NXF1: variants seen among roughly 807,000 people sequenced by gnomAD.
NXF1 encodes the protein nuclear RNA export factor 1.
Under a neutral mutation model 92.4 loss-of-function variants are expected in NXF1, and 43 were observed. That is an observed-to-expected ratio of 0.47 (90% CI 0.36 to 0.60). The LOEUF (loss-of-function observed/expected upper bound fraction) is 0.60, where lower values mean the gene tolerates loss of function less well. NXF1 is among the 20% of genes least tolerant of loss of function. NXF1 has a pLI of 0.00. For synonymous variants in NXF1, 288 were observed against 292.2 expected (o/e 0.99, Z 0.15); for missense variants, 576 against 793.0 (o/e 0.73, Z 3.29).
chr11:62,800,605 CTTTTTTTT>C, intron 9 of NXF1, 119 bp from the exon 10 acceptor site: 1 of 482,024 alleles, frequency 2.1e-6, no homozygotes, highest in Non-Finnish European at 3.6e-6. Context: ...AAAATTTTTT[CTTTTTTTT>C]TTTTTTTTGG....
Position 62,801,557 on chromosome 11 carries a change from C to T in NXF1, c.709+5G>A. 1 of 1,614,108 alleles carries T rather than the reference C, an allele frequency of 6.2e-7. No individual in the cohort carries two copies. Among genetic ancestry groups the T allele is most frequent in the South Asian group, 1.1e-5 (1 of 91,076 alleles). On this transcript the variant is annotated splice_donor_5th_base_variant and intron_variant, in intron 7 of 20. Transcript: ENST00000294172. ...CTATCTGAGAACTACTGCTGTCAAC[C>T]ATACCTGGGTCTGAACGGAGGCCTT...
intron 10 of NXF1, chr11:62,799,681 C>G (rs2084457918): frequency 1.0e-6 from 1 of 985,992 alleles, no homozygotes; most frequent in Non-Finnish European, 1.2e-6. Context: ...TAGCCTATGC[C>G]CCCGTGGCCT....
chr11:62,802,039 T>C lies in NXF1; in HGVS notation c.461A>G (p.Tyr154Cys). Residue 154 changes from tyrosine (Y) to cysteine (C), a missense_variant, in exon 5 of 21, where the codon TAT (tyrosine) becomes TGT (cysteine). Coordinates refer to ENST00000294172, the MANE Select transcript of NXF1 (RefSeq NM_006362.5). Reference protein sequence around the residue: ...SVPFTPIEFHYENTRAQFFVE... With the variant: ...SVPFTPIEFHCENTRAQFFVE... ...GAAGAACTGGGCCCGTGTATTCTCA[T>C]AGTGAAACTACAAGAGGAAACAGGA... The C allele has an allele frequency of 1.2e-6, 2 of 1,614,028 alleles. No individual in the cohort carries two copies. Among genetic ancestry groups the C allele is most frequent in the Non-Finnish European group, 1.7e-6 (2 of 1,179,868 alleles).
chr11:62,802,500 G>A (rs1303573399), intron 3 of NXF1, among the ~76,000 whole-genome samples: 4 of 152,126 alleles, frequency 2.6e-5, no homozygotes, highest in Admixed American at 1.3e-4. Context: ...GCAGTGGTGC[G>A]ATCATAGCTC....
chr11:62,805,132 C>A, intron 1 of NXF1, 197 bp downstream of exon 1: 1 of 421,056 alleles, frequency 2.4e-6, no homozygotes. Context: ...AGCCGCAGGT[C>A]CCCCAACACC....
chr11:62,794,730 G>C, intron 18 of NXF1: 1 of 598,034 alleles, frequency 1.7e-6, no homozygotes, highest in Non-Finnish European at 3.0e-6. Flanking sequence ...CAGCCTACTT[G>C]CTAGAAGTGG....
chr11:62,804,474 C>A lies in NXF1; in HGVS notation c.29-496G>T, dbSNP rs116823129. On this transcript the variant is annotated intron_variant, in intron 1 of 20. Coordinates refer to ENST00000294172, the MANE Select transcript of NXF1 (RefSeq NM_006362.5). ...TCAGGAGACAAATTCTAGACTCAGG[C>A]TCTAGTGGCAGTGCCAGGCTAGGGT... is the stretch of plus-strand genomic sequence containing the variant. 2.2e-3 allele frequency among the ~76,000 whole-genome samples: 338 copies of A among 152,324 alleles called. 4 individuals are homozygous for A. The highest frequency in any genetic ancestry group is 7.7e-3 in the African/African-American group (322 of 41,574).
At position 62,805,389 on chromosome 11, in the gene NXF1, C is replaced by T. The variant is rs1590956978; in HGVS notation, c.-33G>A. The stretch of plus-strand genomic sequence containing the variant: ...CGAAGATCAAGGGCGGGCTCAGGCG[C>T]TGGCCGCTACGCCGGCAAACAACCT... On this transcript the variant is annotated 5_prime_UTR_variant, in exon 1 of 21. Coordinates refer to ENST00000294172, the MANE Select transcript of NXF1 (RefSeq NM_006362.5). 1 of 1,609,994 alleles carries T rather than the reference C, an allele frequency of 6.2e-7. No individual in the cohort carries two copies. Among genetic ancestry groups the T allele is most frequent in the Non-Finnish European group, 8.5e-7 (1 of 1,178,328 alleles).
Position 62,792,142 on chromosome 11 carries a change from C to CT in NXF1, c.*333dup, listed in dbSNP as rs1209797442. ...GCAGAACACGAAATACAACATCACT[C>CT]TTTATATTAAAAAGTGCAGAACACG... On this transcript the variant is annotated 3_prime_UTR_variant, in exon 21 of 21. Coordinates refer to ENST00000294172, the MANE Select transcript of NXF1 (RefSeq NM_006362.5). 7.3e-6 allele frequency: 5 copies of CT among 688,960 alleles called. No homozygotes were observed. Among genetic ancestry groups the CT allele is most frequent in the Admixed American group, 3.0e-5 (1 of 33,822 alleles). The allele number at this position is 688,960 out of a possible 1,614,324, so 42.7% of individuals were successfully genotyped here. A position where few individuals can be genotyped will look rare whatever the true frequency, so the allele number is the denominator to read the frequency against.
At chr11:62,795,199 C>G (rs181928635) in intron 17 of NXF1, 192 bp from the exon 18 acceptor site, 12 of 554,062 alleles carry the variant, frequency 2.2e-5, no homozygotes, top group Non-Finnish European at 3.9e-5. Flanking sequence ...TAACTACGGC[C>G]GGGCACAGTG....
chr11:62,803,933 C>T lies in NXF1; in HGVS notation c.74G>A (p.Gly25Asp), dbSNP rs2084507145. ...RVNFPQRKKK[G>D]RGPFRWKYGE... ...ATATTTCCACCGGAAGGGACCCCGG[C>T]CTTTCTTCTTTCTTTGAGGGAAATT... Residue 25 changes from glycine to aspartate, a missense_variant, in exon 2 of 21, where the codon GGC (glycine) becomes GAC (aspartate). Physicochemically the swap from Gly to Asp is moderately conservative, Grantham distance 94. Coordinates refer to ENST00000294172, the MANE Select transcript of NXF1 (RefSeq NM_006362.5). The T allele has an allele frequency of 6.2e-7, 1 of 1,614,004 alleles. No individual in the cohort carries two copies. The highest frequency in any genetic ancestry group is 8.5e-7 in the Non-Finnish European group (1 of 1,180,024).
chr11:62,800,974 A>T, intron 9 of NXF1, 120 bp downstream of exon 9: 1 of 747,436 alleles, frequency 1.3e-6, no homozygotes, highest in Non-Finnish European at 2.3e-6. Context: ...TGTTAGGATT[A>T]GAGTTGCAAA....
chr11:62,802,746 T>C (rs2084492226), intron 3 of NXF1, among the ~76,000 whole-genome samples: 2 of 151,986 alleles, frequency 1.3e-5, no homozygotes, highest in Non-Finnish European at 2.9e-5. Flanking sequence ...CCATTTACAC[T>C]TATAATCTCT....
intron 11 of NXF1, 85 bp downstream of exon 11, chr11:62,798,454 A>G: frequency 3.2e-6 from 5 of 1,552,500 alleles, no homozygotes; most frequent in Non-Finnish European, 4.3e-6. Context: ...AAAAAAAGAA[A>G]AAGAAAAAGA....
intron 9 of NXF1, among the ~76,000 whole-genome samples, chr11:62,800,778 T>C (rs1403281283): frequency 6.6e-6 from 1 of 152,016 alleles, no homozygotes; most frequent in African/African-American, 2.4e-5. Context: ...AATTTATTTT[T>C]TAAATTAAAA....
Position 62,801,172 on chromosome 11 carries a change from C to G in NXF1, c.828G>C (p.Arg276Ser), listed in dbSNP as rs375026902. The change falls in exon 9 of 21, where the codon AGG becomes AGC. Residue 276 changes from arginine to serine, a missense_variant. Arg to Ser is a moderately radical substitution (Grantham distance 110). Transcript: ENST00000294172. ...TAGACATGTCATCCAGCCTGTACAG[C>G]CTGTTGTTGCTCAAGTTCAAGGACA... The part of the protein sequence containing the change: ...ELLSLNLSNN[R>S]LYRLDDMSSI... The G allele has an allele frequency of 1.9e-6, 3 of 1,614,044 alleles. No individual in the cohort carries two copies. The highest frequency in any genetic ancestry group is 1.7e-6 in the Non-Finnish European group (2 of 1,180,028).
intron 14 of NXF1, 21 bp from the exon 15 acceptor site, chr11:62,796,366 G>C (rs776113292): frequency 1.9e-6 from 3 of 1,614,060 alleles, no homozygotes; most frequent in South Asian, 2.2e-5. Flanking sequence ...AAAAGGAATG[G>C]ACGTGGTGTT....
chr11:62,799,256 CCTTT>C, intron 10 of NXF1: 10 of 985,558 alleles, frequency 1.0e-5, no homozygotes, highest in Non-Finnish European at 1.2e-5. Context: ...CTGACACAGC[CCTTT>C]CTTTCAGCTG....
intron 18 of NXF1, chr11:62,794,725 TA>T (rs1284137642): frequency 5.0e-6 from 3 of 594,626 alleles, no homozygotes; most frequent in African/African-American, 1.9e-5. Context: ...GGCAGCAGCC[TA>T]CTTGCTAGAA....
Sources: gnomAD v4.1 joint callset for allele counts (sites outside exome capture counted in the v4.1 genomes callset) on GRCh38, gnomAD v4.1.1 for gene constraint, MANE v1.5 for transcripts, NCBI Gene and HGNC (gene_info 2026-07-23, HGNC 2026-07-21) for gene names.